The following CRY1 variants were observed in gnomAD, a reference collection of about 807,000 sequenced individuals.
CRY1 encodes the protein cryptochrome-1.
In CRY1, 45 loss-of-function variants were observed where a neutral mutation model predicts 76.0. The ratio of observed to expected loss-of-function variants is 0.59; its 90% confidence interval spans 0.47 to 0.76. CRY1 has a LOEUF of 0.76. CRY1 is among the 30% of genes least tolerant of loss of function. CRY1 has a pLI of 0.00. For missense variants in CRY1, 587 were observed against 716.4 expected, an observed-to-expected ratio of 0.82 and a Z score of 2.06; for synonymous variants, 248 against 244.0, an observed-to-expected ratio of 1.02 and a Z score of -0.15.
chr12:107,048,283 C>T (rs752815300), intron 1 of CRY1, among the ~76,000 whole-genome samples: 2 of 151,936 alleles, frequency 1.3e-5, no homozygotes, highest in African/African-American at 2.4e-5. Flanking sequence ...GGTTTCACTA[C>T]GTTGGCCAGG....
At chr12:107,039,351 G>T (rs929201397) in intron 1 of CRY1, among the ~76,000 whole-genome samples, 8 of 152,086 alleles carry the variant, frequency 5.3e-5, no homozygotes. Context: ...AAAACCTTCT[G>T]CACAGCAAAG....
rs1396929678 is a variant in CRY1 at position 107,021,061 on chromosome 12, A to G, written c.267+1023T>C. On this transcript the variant is annotated intron_variant, in intron 2 of 12. Transcript: ENST00000008527. ...CACTTTGGGAGGTCGAGGCCGGTGG[A>G]TCACCTAAGGTCAGGAGTTCGAGAC... is the stretch of plus-strand genomic sequence containing the variant. 2.0e-5 allele frequency among the ~76,000 whole-genome samples: 3 copies of G among 152,260 alleles called. No individual in the cohort carries two copies. In the East Asian group the frequency reaches 5.8e-4, roughly 29 times the overall value.
In CRY1 at chr12:107,001,321, T is replaced by C. The variant is rs976686389; in HGVS notation, c.643A>G (p.Thr215Ala). 6.2e-7 allele frequency: 1 copy of C among 1,613,896 alleles called. No homozygotes were observed. Among genetic ancestry groups the C allele is most frequent in the Non-Finnish European group, 8.5e-7 (1 of 1,179,864 alleles). Residue 215 changes from threonine (T) to alanine (A), a missense_variant, in exon 5 of 13, where the codon ACT (threonine) becomes GCT (alanine). Coordinates refer to ENST00000008527, the MANE Select transcript of CRY1 (RefSeq NM_004075.5). ...CTTTCCAAACGAGTAAGTGCTTCAG[T>C]TTCTCCACCTGGCCACACTGCAGAG... ...LSSAVWPGGE[T>A]EALTRLERHL...
chr12:107,009,563 C>CATTTATATATATAT (rs1555275543), intron 2 of CRY1, among the ~76,000 whole-genome samples: 1 of 90,970 alleles, frequency 1.1e-5, no homozygotes. Flanking sequence ...AACAAAAAAA[C>CATTTATATATATAT]ATATATATAT....
intron 1 of CRY1, among the ~76,000 whole-genome samples, chr12:107,064,959 T>C (rs746800913): frequency 6.6e-6 from 1 of 152,036 alleles, no homozygotes; most frequent in Non-Finnish European, 1.5e-5. Context: ...AAACAACAGA[T>C]AAATGGAGAT....
At chr12:107,026,183 T>TATATAAAATATATATATATTACATATAC (rs1952614065) in intron 1 of CRY1, among the ~76,000 whole-genome samples, 3 of 136,254 alleles carry the variant, frequency 2.2e-5, no homozygotes, top group African/African-American at 9.0e-5. Context: ...ATTACATATA[T>TATATAAAATATATATATATTACATATAC]ATATAAAATA....
chr12:107,034,020 A>G (rs1158108982), intron 1 of CRY1, among the ~76,000 whole-genome samples: 1 of 151,736 alleles, frequency 6.6e-6, no homozygotes, highest in Non-Finnish European at 1.5e-5. Context: ...GCTGAGCAGT[A>G]CTTCCAGGAA....
chr12:107,064,360 GACA>G (rs1021090052), intron 1 of CRY1, among the ~76,000 whole-genome samples: 1 of 152,076 alleles, frequency 6.6e-6, no homozygotes, highest in African/African-American at 2.4e-5. Context: ...CATTAAAACA[GACA>G]ACAACAAAAT....
chr12:107,019,827 T>C (rs1392446075), intron 2 of CRY1, among the ~76,000 whole-genome samples: 47 of 152,026 alleles, frequency 3.1e-4, no homozygotes. Context: ...CCTGTAGTCC[T>C]AGGATCACTT....
intron 1 of CRY1, among the ~76,000 whole-genome samples, chr12:107,061,483 A>G (rs1399468879): frequency 2.0e-5 from 3 of 151,834 alleles, no homozygotes; most frequent in Non-Finnish European, 4.4e-5. Flanking sequence ...AGGTTCAAGC[A>G]ATTCTCCTGC....
intron 1 of CRY1, among the ~76,000 whole-genome samples, chr12:107,047,781 G>T (rs1209720279): frequency 6.6e-6 from 1 of 152,064 alleles, no homozygotes; most frequent in Non-Finnish European, 1.5e-5. Context: ...TATAAGAACA[G>T]ACTAATACAA....
chr12:107,058,826 A>G (rs1953015573), intron 1 of CRY1, among the ~76,000 whole-genome samples: 2 of 152,228 alleles, frequency 1.3e-5, no homozygotes, highest in Admixed American at 6.5e-5. Flanking sequence ...TCTAATACCA[A>G]TGAGCCTATC....
chr12:107,014,531 T>G (rs192230615), intron 2 of CRY1, among the ~76,000 whole-genome samples: 33 of 152,366 alleles, frequency 2.2e-4, no homozygotes, highest in African/African-American at 7.5e-4. Context: ...ATACTGATTT[T>G]CTTTATTGTT....
chr12:107,000,930 G>A (rs1000631929), intron 5 of CRY1, among the ~76,000 whole-genome samples: 4 of 152,238 alleles, frequency 2.6e-5, no homozygotes, highest in Middle Eastern at 6.8e-3. Context: ...GATTACAGGC[G>A]TAAGCCACCA....
At chr12:107,045,112 T>C (rs1952835265) in intron 1 of CRY1, among the ~76,000 whole-genome samples, 1 of 151,992 alleles carries the variant, frequency 6.6e-6, no homozygotes. Context: ...GAGAGAATTC[T>C]AAAAACAGCA....
At chr12:107,079,959 G>A (rs768794964) in intron 1 of CRY1, among the ~76,000 whole-genome samples, 1 of 152,104 alleles carries the variant, frequency 6.6e-6, no homozygotes, top group African/African-American at 2.4e-5. Context: ...AGAAGGGCAA[G>A]GGGGACAATG....
At chr12:107,021,110 C>A (rs1240021054) in intron 2 of CRY1, among the ~76,000 whole-genome samples, 2 of 151,994 alleles carry the variant, frequency 1.3e-5, no homozygotes, top group Non-Finnish European at 2.9e-5. Context: ...ATGGTGAAAC[C>A]CTGTCTCTAC....
intron 1 of CRY1, among the ~76,000 whole-genome samples, chr12:107,073,616 C>G (rs2136894816): frequency 6.6e-6 from 1 of 152,188 alleles, no homozygotes; most frequent in Admixed American, 6.5e-5. Context: ...GTAATCCCAG[C>G]TACCAGGGAG....
intron 2 of CRY1, among the ~76,000 whole-genome samples, chr12:107,017,652 G>A (rs1390738867): frequency 6.6e-6 from 1 of 152,208 alleles, no homozygotes; most frequent in African/African-American, 2.4e-5. Context: ...GGTCGCTTAA[G>A]GCCTAGGATT....
Sources: gnomAD v4.1 joint callset for allele counts (sites outside exome capture counted in the v4.1 genomes callset) on GRCh38, gnomAD v4.1.1 for gene constraint, MANE v1.5 for transcripts, NCBI Gene and HGNC (gene_info 2026-07-23, HGNC 2026-07-21) for gene names.